FNDC3A: variants seen among roughly 807,000 people sequenced by gnomAD.
The protein encoded by FNDC3A is fibronectin type III domain containing 3A.
FNDC3A carries 32 observed loss-of-function variants against 148.9 expected under a neutral mutation model. That is an observed-to-expected ratio of 0.21 (90% CI 0.16 to 0.29). The LOEUF is 0.29. FNDC3A is among the 10% of genes least tolerant of loss of function. The probability of loss-of-function intolerance (pLI) is 1.00; values close to 1 mark genes in which losing one functional copy is unlikely to be tolerated. For synonymous variants in FNDC3A, 472 were observed against 473.6 expected (o/e 1.00, Z 0.04); for missense variants, 1,191 against 1,452.8 (o/e 0.82, Z 2.93).
chr13:49,006,120 C>A, intron 1 of FNDC3A, 32 bp from the exon 2 acceptor site: 1 of 776,796 alleles, frequency 1.3e-6, no homozygotes, highest in Non-Finnish European at 2.2e-6. Flanking sequence ...TAAGGATATA[C>A]TTACAAATGA....
intron 8 of FNDC3A, among the ~76,000 whole-genome samples, chr13:49,147,284 A>AGGGG (rs1164692623): frequency 6.6e-6 from 1 of 152,138 alleles, no homozygotes; most frequent in African/African-American, 2.4e-5. Context: ...AGGGAGCACG[A>AGGGG]GGGGGGCATT....
intron 2 of FNDC3A, among the ~76,000 whole-genome samples, chr13:49,018,364 G>A (rs1256355108): frequency 1.3e-5 from 2 of 151,652 alleles, no homozygotes; most frequent in East Asian, 1.9e-4. Flanking sequence ...ATCTTCCATC[G>A]CTGATACCCT....
intron 23 of FNDC3A, among the ~76,000 whole-genome samples, chr13:49,198,808 G>A (rs970489237): frequency 3.9e-5 from 6 of 152,120 alleles, no homozygotes; most frequent in Admixed American, 2.6e-4. Flanking sequence ...CAAAAACGAA[G>A]TCAAGATTGT....
chr13:49,026,567 G>T (rs865967515), intron 2 of FNDC3A, among the ~76,000 whole-genome samples: 1 of 152,134 alleles, frequency 6.6e-6, no homozygotes, highest in South Asian at 2.1e-4. Flanking sequence ...GCAGTGGTGT[G>T]ATCATGGCTC....
chr13:49,027,841 A>G (rs964098036), intron 2 of FNDC3A, among the ~76,000 whole-genome samples: 2 of 152,222 alleles, frequency 1.3e-5, no homozygotes, highest in Non-Finnish European at 2.9e-5. Flanking sequence ...GCAAACTGAT[A>G]AGGCAAATCC....
At chr13:49,187,053 A>T in intron 15 of FNDC3A, 69 bp from the exon 16 acceptor site, 2 of 1,173,074 alleles carry the variant, frequency 1.7e-6, no homozygotes, top group Non-Finnish European at 1.2e-6. Context: ...TATTCTGTTT[A>T]TTAGGTTTTT....
chr13:48,983,688 C>T (rs1419710060), intron 1 of FNDC3A, among the ~76,000 whole-genome samples: 1 of 152,202 alleles, frequency 6.6e-6, no homozygotes, highest in African/African-American at 2.4e-5. Flanking sequence ...AGGCATTAAA[C>T]ACTTTCTGTA....
chr13:49,185,378 G>T (rs915152554), intron 14 of FNDC3A, among the ~76,000 whole-genome samples: 1 of 152,196 alleles, frequency 6.6e-6, no homozygotes, highest in African/African-American at 2.4e-5. Context: ...AACTGGGGTT[G>T]CAGTCATCTC....
intron 11 of FNDC3A, among the ~76,000 whole-genome samples, 187 bp downstream of exon 11, chr13:49,172,283 C>T (rs771852248): frequency 6.6e-6 from 1 of 152,118 alleles, no homozygotes; most frequent in Non-Finnish European, 1.5e-5. Flanking sequence ...TCCCTATTTT[C>T]AATAAATCAC....
intron 1 of FNDC3A, among the ~76,000 whole-genome samples, chr13:48,990,710 T>C (rs1366672386): frequency 6.6e-6 from 1 of 151,744 alleles, no homozygotes; most frequent in Non-Finnish European, 1.5e-5. Context: ...TGCAGTGAGC[T>C]GAGATCACAC....
intron 2 of FNDC3A, among the ~76,000 whole-genome samples, chr13:49,062,461 T>C (rs1199080788): frequency 2.0e-5 from 3 of 152,234 alleles, no homozygotes; most frequent in African/African-American, 4.8e-5. Flanking sequence ...TCCAGTCTTA[T>C]CTTTTTCCAT....
chr13:49,066,674 CT>C lies in FNDC3A; in HGVS notation c.100-8604del, dbSNP rs1012452704. Reference sequence around the variant, plus strand: ...TCAGAGATACTTCAAAGCTTATATTCTTTTTTTTTTTAACAACATTCTTTTT... The same window carrying C: ...TCAGAGATACTTCAAAGCTTATATTCTTTTTTTTTTAACAACATTCTTTTT... On this transcript the variant is annotated intron_variant, in intron 2 of 25. Coordinates refer to ENST00000492622, the MANE Select transcript of FNDC3A (RefSeq NM_001079673.2). 5.2e-3 allele frequency among the ~76,000 whole-genome samples: 749 copies of C among 144,574 alleles called. 5 individuals carry two copies. The highest frequency in any genetic ancestry group is 8.6e-3 in the South Asian group (39 of 4,530). 94.8% of individuals were successfully genotyped at this position (144,574 alleles called of 152,430 possible). A position where few individuals can be genotyped will look rare whatever the true frequency, so the allele number is the denominator to read the frequency against.
At chr13:49,163,055 GAGGTGTCTCCCAGTT>G (rs918370197) in intron 8 of FNDC3A, among the ~76,000 whole-genome samples, 1 of 152,188 alleles carries the variant, frequency 6.6e-6, no homozygotes, top group Non-Finnish European at 1.5e-5. Flanking sequence ...CCCCTACTGG[GAGGTGTCTCCCAGTT>G]AGGCTACTCG....
chr13:49,045,733 C>G, intron 2 of FNDC3A: 2 of 962,224 alleles, frequency 2.1e-6, no homozygotes, highest in Non-Finnish European at 3.0e-6. Flanking sequence ...AAAACCCTGT[C>G]AGGATGTTTT....
intron 1 of FNDC3A, 30 bp from the exon 2 acceptor site, chr13:49,006,122 T>C (rs1035173697): frequency 1.3e-6 from 1 of 795,462 alleles, no homozygotes; most frequent in Admixed American, 2.1e-5. Context: ...AGGATATACT[T>C]ACAAATGACT....
intron 3 of FNDC3A, 80 bp downstream of exon 3, chr13:49,075,444 A>G (rs1047797964): frequency 9.2e-5 from 68 of 741,680 alleles, no homozygotes; most frequent in South Asian, 7.6e-4. Flanking sequence ...GTATATGCCT[A>G]TGGTTTCTTC....
chr13:49,085,960 G>A (rs1234000622), intron 3 of FNDC3A, among the ~76,000 whole-genome samples: 1 of 149,748 alleles, frequency 6.7e-6, no homozygotes, highest in Non-Finnish European at 1.5e-5. Context: ...TCGGCTCACT[G>A]CAACCTCTGC....
intron 1 of FNDC3A, among the ~76,000 whole-genome samples, chr13:49,000,122 G>A (rs570615334): frequency 6.6e-6 from 1 of 152,264 alleles, no homozygotes; most frequent in South Asian, 2.1e-4. Flanking sequence ...CCTTTGTTAT[G>A]TGTGTTTTTG....
At chr13:49,192,317 C>T (rs1026624974) in intron 19 of FNDC3A, among the ~76,000 whole-genome samples, 6 of 152,176 alleles carry the variant, frequency 3.9e-5, no homozygotes, top group African/African-American at 1.4e-4. Context: ...TTTTTTGAAA[C>T]AGGGTCTCAC....
Sources: gnomAD v4.1 joint callset for allele counts (sites outside exome capture counted in the v4.1 genomes callset) on GRCh38, gnomAD v4.1.1 for gene constraint, MANE v1.5 for transcripts, NCBI Gene and HGNC (gene_info 2026-07-23, HGNC 2026-07-21) for gene names.